PCDHA3: variants seen among roughly 807,000 people sequenced by gnomAD.
PCDHA3 encodes protocadherin alpha 3, also known as protocadherin alpha-3.
In PCDHA3, 41 loss-of-function variants were observed where a neutral mutation model predicts 62.2. The observed-to-expected ratio is 0.66, with a 90% CI of 0.51 to 0.86. The LOEUF is 0.86. Ranked by LOEUF, PCDHA3 falls within the 40% of genes least tolerant of loss-of-function variation. The pLI, the probability that PCDHA3 is intolerant of heterozygous loss-of-function variation, is 0.00. For missense variants in PCDHA3, 1,304 were observed against 1,241.2 expected (o/e 1.05, Z -0.76); for synonymous variants, 640 against 555.4 (o/e 1.15, Z -2.14).
chr5:140,981,895 G>A (rs2153826767), intron 2 of PCDHA3, among the ~76,000 whole-genome samples: 1 of 152,252 alleles, frequency 6.6e-6, no homozygotes, highest in East Asian at 1.9e-4. Flanking sequence ...TCTGAGCGGG[G>A]ATCTGTGAGT....
At chr5:141,002,020 T>A (rs1380012353) in intron 3 of PCDHA3, among the ~76,000 whole-genome samples, 4 of 152,166 alleles carry the variant, frequency 2.6e-5, no homozygotes, top group Admixed American at 6.5e-5. Flanking sequence ...TGCACAGCCT[T>A]CGGTGCCCTG....
chr5:140,968,317 A>G (rs144335538), intron 1 of PCDHA3: 1 of 1,613,890 alleles, frequency 6.2e-7, no homozygotes, highest in African/African-American at 1.3e-5. Context: ...AAGGGCTGCC[A>G]GTCACCTCCT....
Position 140,885,608 on chromosome 5 carries a change from A to T in PCDHA3, c.2394+82017A>T, listed in dbSNP as rs1163790004. Among the ~76,000 whole-genome samples the T allele has an allele frequency of 2.0e-5, 3 of 152,192 alleles. No homozygotes were observed. In the East Asian group the frequency reaches 5.8e-4, roughly 29 times the overall value. On this transcript the variant is annotated intron_variant, in intron 1 of 3. Coordinates refer to ENST00000522353, the MANE Select transcript of PCDHA3 (RefSeq NM_018906.3). ...TGCATCAAAGATATTAATAATTTTA[A>T]TTATAAAATATGTCACTGGATTGCC...
intron 1 of PCDHA3, among the ~76,000 whole-genome samples, chr5:140,975,016 G>C (rs782435284): frequency 6.6e-6 from 1 of 152,128 alleles, no homozygotes; most frequent in Non-Finnish European, 1.5e-5. Context: ...AACACAGCTG[G>C]GCTGTGTTGT....
At chr5:140,927,301 C>A in intron 1 of PCDHA3, 3 of 1,614,204 alleles carry the variant, frequency 1.9e-6, no homozygotes, top group Non-Finnish European at 2.5e-6. Context: ...CCCCGAGTTC[C>A]TGACGCCCGG....
chr5:140,923,152 T>C (rs2153567399), intron 1 of PCDHA3, among the ~76,000 whole-genome samples: 1 of 152,204 alleles, frequency 6.6e-6, no homozygotes, highest in South Asian at 2.1e-4. Context: ...TAAAAAAAAT[T>C]ATAGAAAGAT....
chr5:140,952,406 T>G (rs2094740405), intron 1 of PCDHA3, among the ~76,000 whole-genome samples: 1 of 151,900 alleles, frequency 6.6e-6, no homozygotes, highest in Admixed American at 6.6e-5. Flanking sequence ...ATTCTCAAAT[T>G]TAATGTTCCG....
intron 1 of PCDHA3, among the ~76,000 whole-genome samples, chr5:140,978,595 G>A (rs2096811492): frequency 6.6e-6 from 1 of 152,214 alleles, no homozygotes; most frequent in African/African-American, 2.4e-5. Flanking sequence ...CCTTAATGGG[G>A]CACTTGAGGG....
At chr5:140,892,552 T>A (rs1041756319) in intron 1 of PCDHA3, among the ~76,000 whole-genome samples, 1 of 152,222 alleles carries the variant, frequency 6.6e-6, no homozygotes, top group East Asian at 1.9e-4. Flanking sequence ...GTTTCTCTAG[T>A]CCTTGGAGAC....
chr5:140,928,551 G>T, intron 1 of PCDHA3: 2 of 1,614,164 alleles, frequency 1.2e-6, no homozygotes, highest in Non-Finnish European at 1.7e-6. Context: ...ACAATTATCC[G>T]GTTATCTTGT....
At position 140,871,095 on chromosome 5, in the gene PCDHA3, GC is replaced by G; in HGVS notation, c.2394+67505del. On this transcript the variant is annotated intron_variant, in intron 1 of 3. Coordinates refer to ENST00000522353, the MANE Select transcript of PCDHA3 (RefSeq NM_018906.3). ...CGGCGCTGACGGCCACGGCCACCGT[GC>G]TGGTGTCGTTGGTGGAGAGCGGACA... The G allele has an allele frequency of 4.3e-6, 7 of 1,613,278 alleles. No individual in the cohort carries two copies. In the South Asian group the frequency reaches 5.5e-5, roughly 13 times the overall value.
chr5:140,986,793 G>A lies in PCDHA3; in HGVS notation c.2542+4230G>A, dbSNP rs945707149. 6.6e-5 allele frequency among the ~76,000 whole-genome samples: 10 copies of A among 152,312 alleles called. No homozygotes were observed. In the East Asian group the frequency reaches 1.7e-3, roughly 26 times the overall value. ...TTAGGTAGCGGAAGCCACTAAGGCA[G>A]TGAGTCTTAGTTAGAGAACTTTGGT... On this transcript the variant is annotated intron_variant, in intron 3 of 3. Coordinates refer to ENST00000522353, the MANE Select transcript of PCDHA3 (RefSeq NM_018906.3).
intron 1 of PCDHA3, chr5:140,858,100 C>A (rs368579908): frequency 1.9e-6 from 3 of 1,597,702 alleles, no homozygotes; most frequent in South Asian, 1.1e-5. Context: ...CTTCAGTGGG[C>A]GTGGCGCCCG....
chr5:140,868,942 C>T (rs1238492263), intron 1 of PCDHA3: 6 of 1,256,058 alleles, frequency 4.8e-6, no homozygotes, highest in African/African-American at 1.5e-5. Context: ...TTGGTCTGAA[C>T]AGTGAGGCAC....
rs148196865 is a variant in PCDHA3, at chr5:140,802,174, G to A, written c.977G>A (p.Gly326Glu). The stretch of plus-strand genomic sequence containing the variant: ...ATCCAGGTAGAAGCCACGGATAAAG[G>A]AAATCCCCCAATGTCAGATCACTGC... ...YEIQVEATDK[G>E]NPPMSDHCTV... The change falls in exon 1 of 4, where the codon GGA becomes GAA. Residue 326 changes from glycine to glutamate, a missense_variant. Transcript: ENST00000522353. 4 of 1,614,192 alleles carry A rather than the reference G, an allele frequency of 2.5e-6. No homozygotes were observed. The highest frequency in any genetic ancestry group is 3.4e-6 in the Non-Finnish European group (4 of 1,180,024).
chr5:140,901,953 G>A (rs545807968), intron 1 of PCDHA3, among the ~76,000 whole-genome samples: 8 of 151,830 alleles, frequency 5.3e-5, no homozygotes, highest in Non-Finnish European at 7.4e-5. Flanking sequence ...AGTTTTATTC[G>A]TGGCTATCGT....
chr5:140,966,852 T>C, intron 1 of PCDHA3: 1 of 1,572,518 alleles, frequency 6.4e-7, no homozygotes, highest in South Asian at 1.1e-5. Flanking sequence ...CTGCCTCTCC[T>C]GCTGCTGTTG....
chr5:140,849,588 C>A (rs2150441639), intron 1 of PCDHA3: 12 of 1,598,674 alleles, frequency 7.5e-6, no homozygotes, highest in Non-Finnish European at 1.0e-5. Flanking sequence ...GGACGCACAA[C>A]TGGGGACAGT....
intron 3 of PCDHA3, among the ~76,000 whole-genome samples, chr5:140,988,308 G>A (rs75602297): frequency 6.6e-6 from 1 of 152,298 alleles, no homozygotes; most frequent in East Asian, 1.9e-4. Flanking sequence ...TGCCAGCTTG[G>A]CTTGGCTTTC....
Sources: gnomAD v4.1 joint callset for allele counts (sites outside exome capture counted in the v4.1 genomes callset) on GRCh38, gnomAD v4.1.1 for gene constraint, MANE v1.5 for transcripts, NCBI Gene and HGNC (gene_info 2026-07-23, HGNC 2026-07-21) for gene names.